R3HDM1: variants seen among roughly 807,000 people sequenced by gnomAD.
The protein encoded by R3HDM1 is R3H domain-containing protein 1.
A neutral mutation model predicts 141.1 loss-of-function variants in R3HDM1; 46 were observed. The ratio of observed to expected loss-of-function variants is 0.33; its 90% CI spans 0.26 to 0.42. The LOEUF is 0.42. Among genes scored for constraint, R3HDM1 ranks in the 10% least tolerant of loss-of-function variants. The pLI, the probability that R3HDM1 is intolerant of heterozygous loss-of-function variation, is 1.00. For missense variants in R3HDM1, 1,184 were observed against 1,368.3 expected (o/e 0.87, Z 2.12); for synonymous variants, 435 against 472.9 (o/e 0.92, Z 1.04).
At chr2:135,654,863 AGTGTGTGTGTGTGTGTGTGT>A (rs60593262) in intron 18 of R3HDM1, among the ~76,000 whole-genome samples, 1 of 136,618 alleles carries the variant, frequency 7.3e-6, no homozygotes, top group African/African-American at 2.7e-5. Context: ...GTGTATATAA[AGTGTGTGTGTGTGTGTGTGT>A]GTGTGTGTGT....
chr2:135,557,212 T>C (rs1017376821), intron 1 of R3HDM1, among the ~76,000 whole-genome samples: 1 of 152,202 alleles, frequency 6.6e-6, no homozygotes, highest in East Asian at 1.9e-4. Flanking sequence ...TTAGTAACCT[T>C]AAGGAAGTAT....
chr2:135,653,385 A>G (rs1426122097), intron 18 of R3HDM1, among the ~76,000 whole-genome samples: 1 of 152,146 alleles, frequency 6.6e-6, no homozygotes, highest in African/African-American at 2.4e-5. Context: ...ATTAATTTTT[A>G]TGATTTTATT....
chr2:135,668,106 G>T (rs935954334), intron 19 of R3HDM1, among the ~76,000 whole-genome samples: 1 of 152,116 alleles, frequency 6.6e-6, no homozygotes, highest in Non-Finnish European at 1.5e-5. Flanking sequence ...CAAGAGTAAG[G>T]TTCTTATCTT....
At chr2:135,636,268 C>A in intron 11 of R3HDM1, 85 bp downstream of exon 11, 1 of 1,483,390 alleles carries the variant, frequency 6.7e-7, no homozygotes, top group South Asian at 1.5e-5. Flanking sequence ...ATCTATTGAT[C>A]ACATTTATTT....
At chr2:135,717,417 G>A (rs1349856685) in intron 24 of R3HDM1, among the ~76,000 whole-genome samples, 1 of 152,028 alleles carries the variant, frequency 6.6e-6, no homozygotes, top group East Asian at 1.9e-4. Context: ...TCGGGAGGCA[G>A]AGGTTGCAGT....
chr2:135,684,173 C>T (rs2070879128), intron 21 of R3HDM1, among the ~76,000 whole-genome samples: 1 of 152,152 alleles, frequency 6.6e-6, no homozygotes, highest in Non-Finnish European at 1.5e-5. Context: ...TCACTGCAAG[C>T]TTCACCTCCC....
Position 135,680,263 on chromosome 2 carries a change from C to A in R3HDM1, c.2398C>A (p.Pro800Thr), listed in dbSNP as rs76298784. The stretch of plus-strand genomic sequence containing the variant: ...TAATCAGTCTAATCAAGGATCTATG[C>A]CCACAACAGGAATGCCTGTTTACTA... ...FPNQSNQGSM[P>T]TTGMPVYYSV... Residue 800 changes from proline to threonine, a missense_variant, in exon 21 of 27, where the codon CCC becomes ACC. Physicochemically the swap from Pro to Thr is conservative, Grantham distance 38. Around this residue, in one of 5 missense-constraint regions of R3HDM1, gnomAD observed 563 missense variants for 562.0 expected, o/e 1.00. Coordinates refer to ENST00000683871, the MANE Select transcript of R3HDM1 (RefSeq NM_001378107.1). 485 of 1,613,860 alleles carry A rather than the reference C, an allele frequency of 3.0e-4. 5 individuals are homozygous for A. In the East Asian group the frequency reaches 8.0e-3, roughly 27 times the overall value.
At chr2:135,676,184 G>A (rs2069145355) in intron 20 of R3HDM1, among the ~76,000 whole-genome samples, 1 of 152,142 alleles carries the variant, frequency 6.6e-6, no homozygotes, top group South Asian at 2.1e-4. Flanking sequence ...AAAATAGCTA[G>A]GCAAGGTGGC....
chr2:135,610,694 A>AT (rs1423422593), intron 3 of R3HDM1, among the ~76,000 whole-genome samples: 1 of 152,264 alleles, frequency 6.6e-6, no homozygotes, highest in African/African-American at 2.4e-5. Context: ...TGATGAAACA[A>AT]TTAACTTATT....
chr2:135,555,296 CAAA>C (rs59569889), intron 1 of R3HDM1, among the ~76,000 whole-genome samples: 7 of 79,528 alleles, frequency 8.8e-5, no homozygotes, highest in Non-Finnish European at 5.7e-5. Context: ...ACTCTTGTCT[CAAA>C]AAAAAAAAAA....
At chr2:135,652,360 G>T (rs2065240537) in intron 18 of R3HDM1, among the ~76,000 whole-genome samples, 1 of 152,204 alleles carries the variant, frequency 6.6e-6, no homozygotes, top group Non-Finnish European at 1.5e-5. Flanking sequence ...GGGCACAGTG[G>T]CTCACGCCTG....
intron 18 of R3HDM1, 133 bp from the exon 19 acceptor site, chr2:135,661,137 A>G (rs2066648445): frequency 1.7e-6 from 2 of 1,176,672 alleles, no homozygotes; most frequent in Non-Finnish European, 2.3e-6. Context: ...TTTCAGTTAA[A>G]TTTAAGAAAA....
At chr2:135,617,090 G>T (rs1472734066) in intron 5 of R3HDM1, among the ~76,000 whole-genome samples, 1 of 152,122 alleles carries the variant, frequency 6.6e-6, no homozygotes, top group South Asian at 2.1e-4. Context: ...TTGGGAAGCC[G>T]AGGTGGGCAC....
At chr2:135,616,301 TG>T (rs371729212) in intron 4 of R3HDM1, 108 bp downstream of exon 4, 6 of 1,142,154 alleles carry the variant, frequency 5.3e-6, no homozygotes, top group African/African-American at 1.6e-5. Context: ...CCATATTTTA[TG>T]GGGGGCAGAA....
chr2:135,563,968 A>T (rs1034080884), intron 1 of R3HDM1, among the ~76,000 whole-genome samples: 6 of 152,172 alleles, frequency 3.9e-5, no homozygotes, highest in Non-Finnish European at 8.8e-5. Context: ...TGGTGAGAGC[A>T]GGAGCAAGAG....
chr2:135,614,824 T>TC (rs56739477), intron 3 of R3HDM1, among the ~76,000 whole-genome samples: 17 of 152,256 alleles, frequency 1.1e-4, no homozygotes, highest in African/African-American at 4.1e-4. Flanking sequence ...TCTTTTTTTT[T>TC]TCCTGTAATC....
chr2:135,706,829 TC>T lies in R3HDM1; in HGVS notation c.2460-2599del, dbSNP rs1393670951. On this transcript the variant is annotated intron_variant, in intron 21 of 26. Transcript: ENST00000683871. Reference sequence around the variant, plus strand: ...GATTTCTCAATCTATTCCCCACCTTTCCCCCTTTTCTATTCCACAAAACCGC... The same window carrying T: ...GATTTCTCAATCTATTCCCCACCTTTCCCCTTTTCTATTCCACAAAACCGC... 7.9e-5 allele frequency among the ~76,000 whole-genome samples: 12 copies of T among 152,222 alleles called. No individual in the cohort carries two copies. In the East Asian group the frequency reaches 2.3e-3, roughly 29 times the overall value.
chr2:135,675,453 G>C lies in R3HDM1; in HGVS notation c.2274G>C (p.Val758=). The change falls in exon 20 of 27, where the codon GTG becomes GTC. Residue 758 remains valine, a synonymous_variant. Coordinates refer to ENST00000683871, the MANE Select transcript of R3HDM1 (RefSeq NM_001378107.1). ...PNSIGNQIQG[V]VIPYTSVPTY... ...GCATTGGAAATCAGATTCAAGGAGT[G>C]GTCATCCCCTATACTTCAGTGCCAA... 1.2e-6 allele frequency: 2 copies of C among 1,613,790 alleles called. No homozygotes were observed. The highest frequency in any genetic ancestry group is 1.7e-6 in the Non-Finnish European group (2 of 1,179,818).
At chr2:135,542,014 A>G (rs1697696684) in intron 1 of R3HDM1, among the ~76,000 whole-genome samples, 1 of 152,168 alleles carries the variant, frequency 6.6e-6, no homozygotes, top group Admixed American at 6.6e-5. Flanking sequence ...CCCAAATTTA[A>G]ACAGGAAATT....
Sources: gnomAD v4.1 joint callset for allele counts (sites outside exome capture counted in the v4.1 genomes callset) on GRCh38, gnomAD v4.1.1 for gene constraint, gnomAD v4.1.1 regional missense constraint, MANE v1.5 for transcripts, NCBI Gene and HGNC (gene_info 2026-07-23, HGNC 2026-07-21) for gene names.